Variants in PALLD observed in about 807,000 individuals in gnomAD.
PALLD encodes palladin, cytoskeletal associated protein, also known as palladin.
A neutral mutation model predicts 123.5 loss-of-function variants in PALLD; 61 were observed. The ratio of observed to expected loss-of-function variants is 0.49; its 90% confidence interval spans 0.40 to 0.61. The LOEUF (loss-of-function observed/expected upper bound fraction) is 0.61, where lower values mean the gene tolerates loss of function less well. PALLD is among the 20% of genes least tolerant of loss of function. The probability of loss-of-function intolerance (pLI) is 0.00; values close to 1 mark genes in which losing one functional copy is unlikely to be tolerated. For synonymous variants in PALLD, 465 were observed against 496.4 expected (o/e 0.94, Z 0.84); for missense variants, 1,273 against 1,377.0 (o/e 0.92, Z 1.20).
intron 10 of PALLD, chr4:168,843,854 AACG>A (rs201141346): frequency 7.8e-4 from 81 of 103,234 alleles, no homozygotes; most frequent in African/African-American, 2.2e-3. Flanking sequence ...GGCTGGAAAC[AACG>A]TTACGGAAAT....
In PALLD at chr4:168,761,649, T is replaced by G. The variant is rs10030123; in HGVS notation, c.1964+49726T>G. 3.1e-3 allele frequency among the ~76,000 whole-genome samples: 109 copies of G among 34,886 alleles called. 5 individuals carry two copies. Among genetic ancestry groups the G allele is most frequent in the Non-Finnish European group, 4.2e-3 (67 of 16,094 alleles). The allele number at this position is 34,886 out of a possible 152,430, so 22.9% of individuals were successfully genotyped here. A position where few individuals can be genotyped will look rare whatever the true frequency, so the allele number is the denominator to read the frequency against. On this transcript the variant is annotated intron_variant, in intron 10 of 21. Transcript: ENST00000505667. ...CTATTTTTGTTGTTGTTGTTTGTTT[T>G]TTTTTTTTTTTTTTTTTTTTTTTTT...
chr4:168,687,612 T>C (rs1415060911), intron 6 of PALLD, among the ~76,000 whole-genome samples: 1 of 152,136 alleles, frequency 6.6e-6, no homozygotes, highest in African/African-American at 2.4e-5. Context: ...GAAGCAAAGA[T>C]TTGCTTTCTT....
At position 168,511,879 on chromosome 4, in the gene PALLD, A is replaced by T. The variant is rs770993447; in HGVS notation, c.375A>T (p.Ser125=). The change falls in exon 2 of 22, where the codon TCA becomes TCT. Residue 125 remains serine (S), a synonymous_variant. Transcript: ENST00000505667. ...TTTCAAAGAGGAAACCTGCCATGTCACCCCTGCTCACCAGGCCCAGCTACA... is the reference window on the plus strand; with the variant it reads ...TTTCAAAGAGGAAACCTGCCATGTCTCCCCTGCTCACCAGGCCCAGCTACA... ...SPVSKRKPAM[S]PLLTRPSYIR... 1 of 1,614,070 alleles carries T rather than the reference A, an allele frequency of 6.2e-7. No homozygotes were observed. The highest frequency in any genetic ancestry group is 1.7e-5 in the Admixed American group (1 of 60,000).
chr4:168,765,121 C>T (rs188212014), intron 10 of PALLD, among the ~76,000 whole-genome samples: 1 of 152,240 alleles, frequency 6.6e-6, no homozygotes, highest in African/African-American at 2.4e-5. Context: ...TAGTCCTTAG[C>T]TTTAACCTGG....
intron 2 of PALLD, among the ~76,000 whole-genome samples, chr4:168,552,610 A>G (rs1169359845): frequency 1.3e-5 from 2 of 152,132 alleles, no homozygotes; most frequent in African/African-American, 2.4e-5. Context: ...AAATTTTAAA[A>G]TTGTTATATA....
At position 168,776,336 on chromosome 4, in the gene PALLD, A is replaced by G. The variant is rs548328195; in HGVS notation, c.1964+64413A>G. 3.0e-4 allele frequency among the ~76,000 whole-genome samples: 45 copies of G among 152,322 alleles called. 1 individual carries two copies. In the South Asian group the frequency reaches 7.7e-3, roughly 26 times the overall value. ...GATTATTTATTCCTAGTATGTAGAA[A>G]TACAGTTGACTTCTATATTATTGAT... On this transcript the variant is annotated intron_variant, in intron 10 of 21. Coordinates refer to ENST00000505667, the MANE Select transcript of PALLD (RefSeq NM_001166108.2).
At chr4:168,639,695 T>C (rs558600823) in intron 2 of PALLD, among the ~76,000 whole-genome samples, 84 of 151,650 alleles carry the variant, frequency 5.5e-4, no homozygotes, top group Admixed American at 9.8e-4. Flanking sequence ...AGGCACCCAC[T>C]ACCACGCCCA....
At chr4:168,642,256 C>T (rs1777034638) in intron 2 of PALLD, among the ~76,000 whole-genome samples, 1 of 152,176 alleles carries the variant, frequency 6.6e-6, no homozygotes, top group Admixed American at 6.5e-5. Flanking sequence ...AGTTTTTAGA[C>T]TGAAAGCAGA....
intron 10 of PALLD, among the ~76,000 whole-genome samples, chr4:168,873,346 G>C (rs1455450538): frequency 6.6e-6 from 1 of 152,100 alleles, no homozygotes; most frequent in Non-Finnish European, 1.5e-5. Flanking sequence ...TTCATACAAT[G>C]GCTTCTGTCA....
intron 2 of PALLD, among the ~76,000 whole-genome samples, chr4:168,596,147 C>A (rs1223945199): frequency 6.6e-6 from 1 of 152,020 alleles, no homozygotes; most frequent in Admixed American, 6.6e-5. Context: ...CCTATTATTG[C>A]CAAACCCTTT....
chr4:168,894,904 C>A, intron 12 of PALLD: 1 of 618,716 alleles, frequency 1.6e-6, no homozygotes, highest in Non-Finnish European at 2.7e-6. Flanking sequence ...TCTTTTTATT[C>A]TTCTTCTTGA....
intron 10 of PALLD, among the ~76,000 whole-genome samples, chr4:168,859,381 G>A (rs931692007): frequency 6.6e-6 from 1 of 152,220 alleles, no homozygotes; most frequent in Admixed American, 6.5e-5. Context: ...TGAAGGAGAA[G>A]GCTCTGCTGG....
chr4:168,749,973 G>T (rs1561479141), intron 10 of PALLD, among the ~76,000 whole-genome samples: 1 of 149,054 alleles, frequency 6.7e-6, no homozygotes, highest in Non-Finnish European at 1.5e-5. Context: ...TCAAGTTGGA[G>T]TCTCGCTCTG....
At chr4:168,725,922 T>C (rs1268377506) in intron 10 of PALLD, among the ~76,000 whole-genome samples, 1 of 152,204 alleles carries the variant, frequency 6.6e-6, no homozygotes, top group African/African-American at 2.4e-5. Flanking sequence ...AGGGGCAAAT[T>C]CTTGCTCCAG....
intron 15 of PALLD, among the ~76,000 whole-genome samples, chr4:168,906,753 G>C (rs1757891179): frequency 6.6e-6 from 1 of 151,950 alleles, no homozygotes; most frequent in Non-Finnish European, 1.5e-5. Context: ...GCCTCCCAAA[G>C]CACTGGAATT....
intron 2 of PALLD, among the ~76,000 whole-genome samples, chr4:168,632,615 T>C (rs1013586460): frequency 5.9e-5 from 9 of 152,166 alleles, no homozygotes; most frequent in African/African-American, 2.2e-4. Context: ...TAGCATTCAG[T>C]TGGCGGTGGT....
chr4:168,919,785 C>T (rs1016718457), intron 17 of PALLD, among the ~76,000 whole-genome samples: 6 of 152,126 alleles, frequency 3.9e-5, no homozygotes, highest in African/African-American at 1.4e-4. Context: ...TCACTATTTT[C>T]ATGTGTGCTG....
At chr4:168,685,824 A>C (rs1246602891) in intron 6 of PALLD, among the ~76,000 whole-genome samples, 3 of 151,290 alleles carry the variant, frequency 2.0e-5, no homozygotes, top group African/African-American at 4.8e-5. Context: ...AAAAAAAAAA[A>C]AAAAAAAAAA....
chr4:168,558,537 T>C (rs1037992187), intron 2 of PALLD, among the ~76,000 whole-genome samples: 1 of 152,202 alleles, frequency 6.6e-6, no homozygotes, highest in African/African-American at 2.4e-5. Context: ...GTGAGTCTCT[T>C]CACCAGCCCT....
Sources: allele counts gnomAD v4.1 joint callset (sites outside exome capture counted in the v4.1 genomes callset), GRCh38; gene constraint gnomAD v4.1.1; transcripts MANE v1.5; gene names NCBI Gene and HGNC (gene_info 2026-07-23, HGNC 2026-07-21).